TAFA1: variants seen among roughly 807,000 people sequenced by gnomAD.
TAFA1 encodes chemokine-like protein TAFA-1.
TAFA1 carries 4 observed loss-of-function variants against 18.5 expected under a neutral mutation model. The observed-to-expected ratio is 0.22, with a 90% CI of 0.11 to 0.49. The LOEUF is 0.49. TAFA1 is among the 20% of genes least tolerant of loss of function. TAFA1 has a pLI of 0.98. For synonymous variants in TAFA1, 56 were observed against 55.2 expected, an observed-to-expected ratio of 1.01 and a Z score of -0.06; for missense variants, 147 against 169.0, an observed-to-expected ratio of 0.87 and a Z score of 0.72.
intron 2 of TAFA1, among the ~76,000 whole-genome samples, chr3:68,058,161 G>A (rs1420080968): frequency 6.6e-6 from 1 of 152,152 alleles, no homozygotes; most frequent in Non-Finnish European, 1.5e-5. Flanking sequence ...TCTAGTTAGT[G>A]AAATCAAGTT....
In TAFA1 at chr3:68,074,122, C is replaced by T. The variant is rs530253200; in HGVS notation, c.118+67378C>T. Among the ~76,000 whole-genome samples, 14 of 152,234 alleles carry T rather than the reference C, an allele frequency of 9.2e-5. No individual in the cohort carries two copies. In the East Asian group the frequency reaches 1.9e-3, roughly 21 times the overall value. ...GATCATCAGGCATTAGATTCTCATA[C>T]GGATTGCACAATCTAGATCTCACAC... On this transcript the variant is annotated intron_variant, in intron 2 of 4. Coordinates refer to ENST00000478136, the MANE Select transcript of TAFA1 (RefSeq NM_213609.4).
intron 2 of TAFA1, among the ~76,000 whole-genome samples, chr3:68,391,917 A>G (rs1207529173): frequency 6.6e-6 from 1 of 152,202 alleles, no homozygotes; most frequent in African/African-American, 2.4e-5. Flanking sequence ...ATCAAAATGT[A>G]AAGACCATCA....
rs1210199547 is a variant in TAFA1, at chr3:68,276,550, CCT to C, written c.119-140729_119-140728del. Among the ~76,000 whole-genome samples the C allele has an allele frequency of 3.3e-5, 5 of 152,092 alleles. No homozygotes were observed. The South Asian group carries it at 6.2e-4, about 19-fold the overall frequency. On this transcript the variant is annotated intron_variant, in intron 2 of 4. Coordinates refer to ENST00000478136, the MANE Select transcript of TAFA1 (RefSeq NM_213609.4). ...ACCAAGAGGTATGATAAATATGTCCCCTGAGTTGAAATACTGTGTATCGTACA... is the reference window on the plus strand; with the variant it reads ...ACCAAGAGGTATGATAAATATGTCCCGAGTTGAAATACTGTGTATCGTACA...
chr3:68,425,713 T>C (rs1259968843), intron 3 of TAFA1, among the ~76,000 whole-genome samples: 5 of 151,982 alleles, frequency 3.3e-5, no homozygotes, highest in African/African-American at 1.2e-4. Flanking sequence ...AATTCAGTCA[T>C]CATATGTATC....
Position 68,430,829 on chromosome 3 carries a change from AC to A in TAFA1, c.259+13410del, listed in dbSNP as rs558324031. ...ACAACTGCACACACACAGCAAACAA[AC>A]AAAACTTTTGGATGGAAATTTTAAA... On this transcript the variant is annotated intron_variant, in intron 3 of 4. Transcript: ENST00000478136. Among the ~76,000 whole-genome samples the A allele has an allele frequency of 1.1e-4, 16 of 152,060 alleles. No individual in the cohort carries two copies. In the South Asian group the frequency reaches 3.3e-3, roughly 31 times the overall value.
At chr3:68,076,807 CT>C (rs2064831246) in intron 2 of TAFA1, among the ~76,000 whole-genome samples, 1 of 152,234 alleles carries the variant, frequency 6.6e-6, no homozygotes, top group African/African-American at 2.4e-5. Context: ...ATTTATAGTC[CT>C]TTGGGTATAT....
intron 2 of TAFA1, among the ~76,000 whole-genome samples, chr3:68,161,112 T>C (rs7630992): frequency 0.87 from 132,383 of 152,192 alleles, 58,887 homozygotes; most frequent in South Asian, 0.97. Flanking sequence ...AATACTTTGA[T>C]GTCAACACAA....
chr3:68,175,779 G>A (rs1248030462), intron 2 of TAFA1, among the ~76,000 whole-genome samples: 2 of 152,122 alleles, frequency 1.3e-5, no homozygotes, highest in Non-Finnish European at 2.9e-5. Flanking sequence ...GGTTGGGAAG[G>A]CATGATTGTT....
intron 2 of TAFA1, among the ~76,000 whole-genome samples, chr3:68,367,607 C>G (rs991809879): frequency 6.6e-6 from 1 of 152,120 alleles, no homozygotes; most frequent in Non-Finnish European, 1.5e-5. Flanking sequence ...TCTGACGAAA[C>G]TCATGTTGTG....
At chr3:68,452,617 T>G (rs2071584851) in intron 3 of TAFA1, among the ~76,000 whole-genome samples, 1 of 151,868 alleles carries the variant, frequency 6.6e-6, no homozygotes, top group African/African-American at 2.4e-5. Flanking sequence ...CTATATTGTG[T>G]CAAGCAGCCA....
At chr3:68,122,996 A>C (rs1294013080) in intron 2 of TAFA1, among the ~76,000 whole-genome samples, 1 of 142,984 alleles carries the variant, frequency 7.0e-6, no homozygotes, top group East Asian at 2.4e-4. Context: ...GTAAAGAAAA[A>C]AAAAACCCTT....
intron 2 of TAFA1, among the ~76,000 whole-genome samples, chr3:68,415,375 T>C (rs144674703): frequency 6.6e-6 from 1 of 152,046 alleles, no homozygotes; most frequent in African/African-American, 2.4e-5. Context: ...ACACAGGAAA[T>C]GTGTAGGGTG....
chr3:68,544,852 C>T lies in TAFA1; in HGVS notation c.*349C>T, dbSNP rs930718827. 6.5e-6 allele frequency: 1 copy of T among 152,688 alleles called. No individual in the cohort carries two copies. Among genetic ancestry groups the T allele is most frequent in the Admixed American group, 6.6e-5 (1 of 15,220 alleles). 9.5% of individuals were successfully genotyped at this position (152,688 alleles called of 1,614,324 possible). ...AATATTTTGAAATATTATCTATTCT[C>T]TTCAAGAAATGAACAGTACCACAGT... On this transcript the variant is annotated 3_prime_UTR_variant, in exon 5 of 5. Transcript: ENST00000478136.
At chr3:68,425,903 G>A (rs2071043012) in intron 3 of TAFA1, among the ~76,000 whole-genome samples, 1 of 151,750 alleles carries the variant, frequency 6.6e-6, no homozygotes, top group South Asian at 2.1e-4. Flanking sequence ...TTTCCCACAA[G>A]GCTCACTCTT....
chr3:68,453,423 C>T (rs2071600571), intron 3 of TAFA1, among the ~76,000 whole-genome samples: 1 of 152,218 alleles, frequency 6.6e-6, no homozygotes, highest in Non-Finnish European at 1.5e-5. Context: ...GTAACACTAT[C>T]CTCAGCAAGT....
At chr3:68,434,055 G>A (rs987811856) in intron 3 of TAFA1, among the ~76,000 whole-genome samples, 9 of 152,106 alleles carry the variant, frequency 5.9e-5, no homozygotes, top group African/African-American at 1.9e-4. Flanking sequence ...AAAAGTTGAA[G>A]TCTTGTACTT....
At chr3:68,408,705 C>G (rs2070657640) in intron 2 of TAFA1, among the ~76,000 whole-genome samples, 1 of 151,786 alleles carries the variant, frequency 6.6e-6, no homozygotes, top group East Asian at 1.9e-4. Flanking sequence ...ATTCCAGGCA[C>G]AAGAGATAAA....
chr3:68,065,744 A>G (rs865806498), intron 2 of TAFA1, among the ~76,000 whole-genome samples: 4 of 54,932 alleles, frequency 7.3e-5, no homozygotes, highest in Non-Finnish European at 8.0e-5. Flanking sequence ...GTGTGTGTAT[A>G]TATATATATA....
intron 2 of TAFA1, among the ~76,000 whole-genome samples, chr3:68,219,189 G>A (rs924162213): frequency 6.6e-6 from 1 of 151,828 alleles, no homozygotes; most frequent in African/African-American, 2.4e-5. Flanking sequence ...ATAAATCTTA[G>A]GCATAGCTTG....
Sources: allele counts gnomAD v4.1 joint callset (sites outside exome capture counted in the v4.1 genomes callset), GRCh38; gene constraint gnomAD v4.1.1; transcripts MANE v1.5; gene names NCBI Gene and HGNC (gene_info 2026-07-23, HGNC 2026-07-21).